Variants in SHLD2 observed in about 807,000 individuals in gnomAD.
SHLD2 encodes the protein RINN1-REV7-interacting novel NHEJ regulator 2.
In SHLD2, 30 loss-of-function variants were observed where a neutral mutation model predicts 73.2. The observed-to-expected ratio is 0.41, with a 90% CI of 0.31 to 0.56. The LOEUF (loss-of-function observed/expected upper bound fraction) is 0.56. SHLD2 is among the 20% of genes least tolerant of loss of function. The probability of loss-of-function intolerance (pLI) is 0.28; values close to 1 mark genes in which losing one functional copy is unlikely to be tolerated. For missense variants in SHLD2, 745 were observed against 1,055.9 expected, an observed-to-expected ratio of 0.71 and a Z score of 4.08; for synonymous variants, 285 against 370.1, an observed-to-expected ratio of 0.77 and a Z score of 2.64.
intron 2 of SHLD2, among the ~76,000 whole-genome samples, chr10:87,148,517 T>G (rs1845782044): frequency 1.4e-5 from 2 of 146,564 alleles, no homozygotes; most frequent in East Asian, 4.3e-4. Context: ...TGGTTGAAGA[T>G]TAAAGGAGAA....
chr10:87,160,415 C>T (rs143469550), intron 4 of SHLD2, among the ~76,000 whole-genome samples: 3,836 of 152,194 alleles, frequency 0.025, 72 homozygotes, highest in Middle Eastern at 0.041. Context: ...GTTGAGGCTG[C>T]AGTGAGCCAT....
intron 2 of SHLD2, among the ~76,000 whole-genome samples, chr10:87,135,245 T>G (rs1844720652): frequency 6.6e-6 from 1 of 152,062 alleles, no homozygotes; most frequent in Non-Finnish European, 1.5e-5. Flanking sequence ...TTAACTAAAG[T>G]CCATACTTTA....
chr10:87,169,969 G>C lies in SHLD2; in HGVS notation c.1634-509G>C, dbSNP rs115346723. ...GTAGGACAAGACAGCCTTGCAGCTG[G>C]AAATTGGTGAGGACGGAGGCCTCGC... On this transcript the variant is annotated intron_variant, in intron 4 of 9. Coordinates refer to ENST00000298786, the MANE Select transcript of SHLD2 (RefSeq NM_001330112.2). Among the ~76,000 whole-genome samples the C allele has an allele frequency of 3.7e-3, 559 of 152,306 alleles. 3 individuals carry two copies. The highest frequency in any genetic ancestry group is 0.013 in the African/African-American group (548 of 41,564).
At chr10:87,127,535 C>CCCCCG (rs943625059) in intron 2 of SHLD2, among the ~76,000 whole-genome samples, 38 of 71,506 alleles carry the variant, frequency 5.3e-4, no homozygotes, top group South Asian at 3.2e-3. Context: ...ACCCGCCCCC[C>CCCCCG]CCCACCCCGT....
At chr10:87,126,737 C>T (rs1054359062) in intron 2 of SHLD2, among the ~76,000 whole-genome samples, 5 of 152,096 alleles carry the variant, frequency 3.3e-5, no homozygotes, top group African/African-American at 1.2e-4. Context: ...GCTGCGTACA[C>T]TTTATTGTTC....
chr10:87,190,669 A>G lies in SHLD2; in HGVS notation c.2701A>G (p.Asn901Asp), dbSNP rs1370816651. ...TCCTGACATTGTAAAGCATGGAGCC[A>G]ATGCCCGTCTCTGAGGCCAGAGGAA... ...FYPDIVKHGA[N>D]ARL is the part of the protein sequence containing the mutation. Residue 901 changes from asparagine to aspartate, a missense_variant, in exon 10 of 10, where the codon AAT becomes GAT. By Grantham distance (23) the Asn-to-Asp change is conservative. Transcript: ENST00000298786. 4 of 1,611,804 alleles carry G rather than the reference A, an allele frequency of 2.5e-6. No individual in the cohort carries two copies. Among genetic ancestry groups the G allele is most frequent in the South Asian group, 1.1e-5 (1 of 90,994 alleles).
In SHLD2 at chr10:87,170,872, A is replaced by G. The variant is rs574616229; in HGVS notation, c.1861A>G (p.Lys621Glu). Residue 621 changes from lysine (K) to glutamate (E), a missense_variant, in exon 6 of 10, where the codon AAA becomes GAA. Lys to Glu is a moderately conservative substitution (Grantham distance 56). Transcript: ENST00000298786. ...ATACAGTTATAGAGGACAGAAGCAG[A>G]AAAAAGTTATGTTAACAGTGGAACA... Reference protein sequence around the residue: ...AVYSYRGQKQKKVMLTVEQAQ... With the variant: ...AVYSYRGQKQEKVMLTVEQAQ... The G allele has an allele frequency of 6.2e-6, 10 of 1,611,524 alleles. No individual in the cohort carries two copies. The highest frequency in any genetic ancestry group is 8.5e-6 in the Non-Finnish European group (10 of 1,179,660).
At chr10:87,163,357 G>A (rs1282153515) in intron 4 of SHLD2, among the ~76,000 whole-genome samples, 1 of 152,170 alleles carries the variant, frequency 6.6e-6, no homozygotes, top group Non-Finnish European at 1.5e-5. Flanking sequence ...TAGGAGAGGG[G>A]TGGAAGAAAG....
intron 2 of SHLD2, among the ~76,000 whole-genome samples, chr10:87,111,475 T>C (rs1320734220): frequency 1.3e-5 from 2 of 151,748 alleles, no homozygotes; most frequent in African/African-American, 2.4e-5. Flanking sequence ...ACCCCCTCTC[T>C]ACTACAAATA....
chr10:87,169,917 AGTG>A (rs1442634526), intron 4 of SHLD2, among the ~76,000 whole-genome samples: 2 of 152,166 alleles, frequency 1.3e-5, no homozygotes, highest in African/African-American at 4.8e-5. Flanking sequence ...GTGAATCTAT[AGTG>A]GTAATCATTC....
intron 2 of SHLD2, among the ~76,000 whole-genome samples, chr10:87,114,952 G>A (rs1161132401): frequency 6.6e-6 from 1 of 152,172 alleles, no homozygotes; most frequent in Non-Finnish European, 1.5e-5. Context: ...GAAACATTTT[G>A]GATAAACTGA....
At position 87,152,125 on chromosome 10, in the gene SHLD2, G is replaced by T. The variant is rs531370166; in HGVS notation, c.771G>T (p.Lys257Asn). The change falls in exon 3 of 10, where the codon AAG becomes AAT. Residue 257 changes from lysine to asparagine, a missense_variant. By Grantham distance (94) the Lys-to-Asn change is moderately conservative. This residue lies in a region of SHLD2 where 280 missense variants were observed against 353.9 expected (regional missense o/e 0.79). Coordinates refer to ENST00000298786, the MANE Select transcript of SHLD2 (RefSeq NM_001330112.2). ...TSSQVAFLAQ[K>N]KDKRRSPVNK... is the part of the protein sequence containing the mutation. ...GCCAGGTTGCTTTTTTAGCTCAAAA[G>T]AAAGATAAAAGGCGGAGTCCTGTAA... is the stretch of plus-strand genomic sequence containing the variant. 1 of 1,611,802 alleles carries T rather than the reference G, an allele frequency of 6.2e-7. No individual in the cohort carries two copies. Among genetic ancestry groups the T allele is most frequent in the African/African-American group, 1.3e-5 (1 of 74,932 alleles).
intron 2 of SHLD2, among the ~76,000 whole-genome samples, chr10:87,112,246 A>G (rs1184367015): frequency 2.1e-5 from 3 of 146,254 alleles, no homozygotes; most frequent in Non-Finnish European, 4.5e-5. Flanking sequence ...TCAAAAAAAA[A>G]AAAAAGGGCA....
At chr10:87,171,617 T>C (rs1175508716) in intron 6 of SHLD2, among the ~76,000 whole-genome samples, 1 of 152,212 alleles carries the variant, frequency 6.6e-6, no homozygotes, top group Non-Finnish European at 1.5e-5. Flanking sequence ...GACAGTTTCA[T>C]TTGTGGCTTA....
At chr10:87,138,807 C>T (rs1231719883) in intron 2 of SHLD2, among the ~76,000 whole-genome samples, 1 of 152,142 alleles carries the variant, frequency 6.6e-6, no homozygotes, top group Non-Finnish European at 1.5e-5. Context: ...CAACTGTTTT[C>T]AGACATTGGA....
intron 2 of SHLD2, among the ~76,000 whole-genome samples, chr10:87,141,140 G>A (rs1042602145): frequency 7.2e-5 from 11 of 152,144 alleles, no homozygotes; most frequent in East Asian, 1.9e-4. Flanking sequence ...AAAAAGGGGG[G>A]CATGGTGGCA....
intron 2 of SHLD2, among the ~76,000 whole-genome samples, chr10:87,113,569 T>G: frequency 6.6e-6 from 1 of 152,024 alleles, no homozygotes. Flanking sequence ...AGGGAGGCAA[T>G]TGGGAATGAC....
At chr10:87,158,752 A>G (rs1046418500) in intron 4 of SHLD2, among the ~76,000 whole-genome samples, 1 of 152,054 alleles carries the variant, frequency 6.6e-6, no homozygotes, top group African/African-American at 2.4e-5. Context: ...AAAATAACAT[A>G]AAAAAAAGAA....
chr10:87,112,714 CAA>C (rs150119136), intron 2 of SHLD2, among the ~76,000 whole-genome samples: 17 of 133,984 alleles, frequency 1.3e-4, no homozygotes, highest in Middle Eastern at 3.8e-3. Context: ...ACTTAAATCT[CAA>C]AAAAAAAAAA....
Sources: allele counts gnomAD v4.1 joint callset (sites outside exome capture counted in the v4.1 genomes callset), GRCh38; gene constraint gnomAD v4.1.1; regional missense constraint gnomAD v4.1.1; transcripts MANE v1.5; gene names NCBI Gene and HGNC (gene_info 2026-07-23, HGNC 2026-07-21).